TAFA1: variants seen among roughly 807,000 people sequenced by gnomAD.
TAFA1 encodes chemokine-like protein TAFA-1.
TAFA1 carries 4 observed loss-of-function variants against 18.5 expected under a neutral mutation model. The ratio of observed to expected loss-of-function variants is 0.22; its 90% CI spans 0.11 to 0.49. The LOEUF is 0.49. Among genes scored for constraint, TAFA1 ranks in the 20% least tolerant of loss-of-function variants. The pLI is 0.98. For synonymous variants in TAFA1, 56 were observed against 55.2 expected (o/e 1.01, Z -0.06); for missense variants, 147 against 169.0 (o/e 0.87, Z 0.72).
At chr3:68,238,807 A>T (rs1296591455) in intron 2 of TAFA1, among the ~76,000 whole-genome samples, 1 of 152,190 alleles carries the variant, frequency 6.6e-6, no homozygotes, top group African/African-American at 2.4e-5. Flanking sequence ...ATTATATAAG[A>T]GAACATTTAC....
chr3:68,465,377 G>T (rs1036558257), intron 3 of TAFA1, among the ~76,000 whole-genome samples: 8 of 152,118 alleles, frequency 5.3e-5, no homozygotes, highest in African/African-American at 2.4e-5. Flanking sequence ...TCTATGACTA[G>T]ACAGCTGTAG....
chr3:68,338,151 A>G (rs111879253), intron 2 of TAFA1, among the ~76,000 whole-genome samples: 1 of 152,232 alleles, frequency 6.6e-6, no homozygotes, highest in Admixed American at 6.5e-5. Context: ...TGTTAACAAC[A>G]CTTGGATGAG....
chr3:68,396,195 G>A (rs539920088), intron 2 of TAFA1, among the ~76,000 whole-genome samples: 101 of 152,188 alleles, frequency 6.6e-4, no homozygotes, highest in African/African-American at 2.3e-3. Flanking sequence ...CAGAATTCTA[G>A]TGTTTGCTTC....
chr3:68,269,120 A>C (rs959469961), intron 2 of TAFA1, among the ~76,000 whole-genome samples: 3 of 152,022 alleles, frequency 2.0e-5, no homozygotes, highest in Admixed American at 1.3e-4. Flanking sequence ...ATTCTCCCAA[A>C]TTGTAATGTG....
chr3:68,134,786 G>T (rs1004529798), intron 2 of TAFA1, among the ~76,000 whole-genome samples: 1 of 152,152 alleles, frequency 6.6e-6, no homozygotes, highest in Non-Finnish European at 1.5e-5. Flanking sequence ...CCTCCAGGAG[G>T]TTACTGTCAT....
chr3:68,439,990 A>C (rs1422847822), intron 3 of TAFA1, among the ~76,000 whole-genome samples: 1 of 152,162 alleles, frequency 6.6e-6, no homozygotes, highest in East Asian at 1.9e-4. Context: ...CTATTACATA[A>C]AGTTAACAAC....
chr3:68,393,216 T>C (rs1021799866), intron 2 of TAFA1, among the ~76,000 whole-genome samples: 2 of 152,012 alleles, frequency 1.3e-5, no homozygotes, highest in Admixed American at 1.3e-4. Context: ...CATCAGAGAA[T>C]ACTATAAACA....
chr3:68,371,053 A>C (rs1372073754), intron 2 of TAFA1, among the ~76,000 whole-genome samples: 1 of 151,734 alleles, frequency 6.6e-6, no homozygotes, highest in East Asian at 1.9e-4. Context: ...GAAATACTCT[A>C]TTTTTCTTAT....
intron 2 of TAFA1, among the ~76,000 whole-genome samples, chr3:68,037,730 A>G (rs1182965558): frequency 6.6e-6 from 1 of 152,174 alleles, no homozygotes; most frequent in Admixed American, 6.5e-5. Flanking sequence ...CATTTTAGAG[A>G]GATCACTCCA....
At chr3:68,212,321 T>G (rs749039527) in intron 2 of TAFA1, among the ~76,000 whole-genome samples, 1 of 151,896 alleles carries the variant, frequency 6.6e-6, no homozygotes, top group African/African-American at 2.4e-5. Flanking sequence ...CCAGATCACA[T>G]AGTGCTCTGT....
intron 2 of TAFA1, among the ~76,000 whole-genome samples, chr3:68,299,935 C>T (rs558668488): frequency 9.2e-5 from 14 of 152,342 alleles, no homozygotes; most frequent in African/African-American, 3.1e-4. Context: ...ATGGAACTAC[C>T]TAAATGTCCA....
chr3:68,463,826 TA>T (rs2071832094), intron 3 of TAFA1, among the ~76,000 whole-genome samples: 1 of 152,168 alleles, frequency 6.6e-6, no homozygotes, highest in South Asian at 2.1e-4. Context: ...TTATGGACCA[TA>T]GCATTTACAG....
intron 2 of TAFA1, among the ~76,000 whole-genome samples, chr3:68,244,873 AG>A (rs1281141550): frequency 1.3e-5 from 2 of 152,222 alleles, no homozygotes; most frequent in Non-Finnish European, 2.9e-5. Context: ...TATGGAAGCC[AG>A]GTTTTGGAAA....
intron 2 of TAFA1, among the ~76,000 whole-genome samples, chr3:68,171,493 G>A (rs1018055254): frequency 2.6e-5 from 4 of 152,098 alleles, no homozygotes; most frequent in African/African-American, 4.8e-5. Flanking sequence ...GTAATAAGGG[G>A]TGAAGGAGGA....
At chr3:68,366,717 T>C (rs1328432024) in intron 2 of TAFA1, among the ~76,000 whole-genome samples, 2 of 152,178 alleles carry the variant, frequency 1.3e-5, no homozygotes, top group Non-Finnish European at 2.9e-5. Context: ...AATTTTCTCT[T>C]CTATACACCA....
At chr3:68,391,480 C>G (rs183973872) in intron 2 of TAFA1, among the ~76,000 whole-genome samples, 2 of 152,160 alleles carry the variant, frequency 1.3e-5, no homozygotes, top group African/African-American at 4.8e-5. Context: ...GCAAGACAGG[C>G]CAACATTCAA....
At chr3:68,272,174 T>C (rs2067688887) in intron 2 of TAFA1, among the ~76,000 whole-genome samples, 2 of 152,146 alleles carry the variant, frequency 1.3e-5, no homozygotes, top group South Asian at 4.1e-4. Context: ...TGCTCTTTTG[T>C]AATAAAACAC....
chr3:68,427,033 C>G (rs1166223703), intron 3 of TAFA1, among the ~76,000 whole-genome samples: 1 of 151,840 alleles, frequency 6.6e-6, no homozygotes, highest in African/African-American at 2.4e-5. Context: ...AAACATCTGT[C>G]ATGATGTGTA....
At chr3:68,027,086 G>A (rs373736021) in intron 2 of TAFA1, among the ~76,000 whole-genome samples, 102 of 152,072 alleles carry the variant, frequency 6.7e-4, no homozygotes, top group African/African-American at 2.3e-3. Context: ...AGCAGGGATG[G>A]TATTAAACCA....
Sources: gnomAD v4.1 joint callset for allele counts (sites outside exome capture counted in the v4.1 genomes callset) on GRCh38, gnomAD v4.1.1 for gene constraint, MANE v1.5 for transcripts, NCBI Gene and HGNC (gene_info 2026-07-23, HGNC 2026-07-21) for gene names.